Variants in DLG2 observed in about 807,000 individuals in gnomAD.
DLG2 encodes discs large MAGUK scaffold protein 2.
In DLG2, 45 loss-of-function variants were observed where a neutral mutation model predicts 132.5. That is an observed-to-expected ratio of 0.34 (90% CI 0.27 to 0.44). The LOEUF (loss-of-function observed/expected upper bound fraction) is 0.44. DLG2 is among the 20% of genes least tolerant of loss of function. The pLI, the probability that DLG2 is intolerant of heterozygous loss-of-function variation, is 1.00. For synonymous variants in DLG2, 424 were observed against 419.6 expected (o/e 1.01, Z -0.13); for missense variants, 1,045 against 1,196.9 (o/e 0.87, Z 1.87).
intron 5 of DLG2, among the ~76,000 whole-genome samples, chr11:85,122,976 T>TATATATATATATA (rs60973860): frequency 3.4e-5 from 2 of 58,440 alleles, no homozygotes; most frequent in African/African-American, 1.5e-4. Context: ...TATATTTTTT[T>TATATATATATATA]TTTTTTTTTT....
chr11:84,597,782 G>A (rs1326798155), intron 6 of DLG2, among the ~76,000 whole-genome samples: 1 of 152,118 alleles, frequency 6.6e-6, no homozygotes, highest in Non-Finnish European at 1.5e-5. Context: ...GGACAAGAAG[G>A]CATCATTTGC....
intron 6 of DLG2, chr11:85,021,650 C>A: frequency 8.4e-7 from 1 of 1,190,432 alleles, no homozygotes; most frequent in Non-Finnish European, 1.3e-6. Context: ...ACGTTGCTAG[C>A]CATTGTGTTT....
intron 6 of DLG2, among the ~76,000 whole-genome samples, chr11:84,735,864 T>C (rs2063763313): frequency 6.6e-6 from 1 of 152,070 alleles, no homozygotes; most frequent in Non-Finnish European, 1.5e-5. Flanking sequence ...TGGTTTGTCT[T>C]TTCATTCTTA....
intron 18 of DLG2, among the ~76,000 whole-genome samples, chr11:83,776,788 G>C (rs1411430761): frequency 2.0e-5 from 3 of 151,940 alleles, no homozygotes; most frequent in African/African-American, 4.8e-5. Flanking sequence ...GCTATGCTTT[G>C]ACAATACCTA....
Position 83,833,718 on chromosome 11 carries a change from T to G in DLG2, c.1618A>C (p.Ile540Leu). 1 of 1,613,956 alleles carries G rather than the reference T, an allele frequency of 6.2e-7. No homozygotes were observed. Among genetic ancestry groups the G allele is most frequent in the Non-Finnish European group, 8.5e-7 (1 of 1,179,946 alleles). The stretch of plus-strand genomic sequence containing the variant: ...CCTTCTCCATCTTCCCCACCGACAA[T>G]GTTGAAGCCCAGGCCAGTGGAGCCT... ...HKGSTGLGFN[I>L]VGGEDGEGIF... is the part of the protein sequence containing the mutation. Residue 540 changes from isoleucine to leucine, a missense_variant, in exon 17 of 28, where the codon ATT (isoleucine) becomes CTT (leucine). Transcript: ENST00000376104.
chr11:85,236,714 T>C (rs1488337212), intron 4 of DLG2, among the ~76,000 whole-genome samples: 4 of 152,020 alleles, frequency 2.6e-5, no homozygotes, highest in South Asian at 2.1e-4. Context: ...GATTCTTGCA[T>C]AGTTACTTGC....
At chr11:85,314,409 T>C (rs992751794) in intron 3 of DLG2, among the ~76,000 whole-genome samples, 5 of 151,800 alleles carry the variant, frequency 3.3e-5, no homozygotes, top group African/African-American at 1.2e-4. Context: ...ATAGAGAGGA[T>C]CATATAAATA....
chr11:85,283,798 T>C (rs1489880129), intron 4 of DLG2, among the ~76,000 whole-genome samples: 2 of 151,824 alleles, frequency 1.3e-5, no homozygotes, highest in African/African-American at 4.8e-5. Flanking sequence ...CCAAAACAGC[T>C]TGACAATTTG....
At chr11:84,842,832 A>C (rs1388936820) in intron 6 of DLG2, among the ~76,000 whole-genome samples, 1 of 151,810 alleles carries the variant, frequency 6.6e-6, no homozygotes, top group Admixed American at 6.6e-5. Context: ...GCACACATAT[A>C]TGTGTGTATA....
intron 3 of DLG2, among the ~76,000 whole-genome samples, chr11:85,572,003 C>G (rs2077870283): frequency 6.6e-6 from 1 of 152,008 alleles, no homozygotes; most frequent in Non-Finnish European, 1.5e-5. Context: ...AAGATAGAAC[C>G]AGATTAAGTT....
intron 6 of DLG2, among the ~76,000 whole-genome samples, chr11:84,926,677 C>A (rs2092989938): frequency 2.0e-5 from 3 of 151,524 alleles, no homozygotes; most frequent in African/African-American, 7.3e-5. Flanking sequence ...TTATTTTATA[C>A]CTCTATACTA....
intron 3 of DLG2, among the ~76,000 whole-genome samples, chr11:85,483,927 T>C: frequency 6.7e-6 from 1 of 149,390 alleles, no homozygotes; most frequent in Non-Finnish European, 1.5e-5. Context: ...ATAGCTACAA[T>C]ACTTTATTAA....
rs116435849 is a variant in DLG2, at chr11:85,041,691, A to C, written c.357+69970T>G. Among the ~76,000 whole-genome samples the C allele has an allele frequency of 4.2e-3, 633 of 152,102 alleles. 7 individuals carry two copies. The highest frequency in any genetic ancestry group is 0.015 in the African/African-American group (608 of 41,534). ...CAGTAGTGGTGATTAAGCTGGGGTA[A>C]AATCAATGGATATTCAGCTGTACAT... On this transcript the variant is annotated intron_variant, in intron 6 of 27. Transcript: ENST00000376104.
At chr11:84,701,617 A>G (rs1424217139) in intron 6 of DLG2, among the ~76,000 whole-genome samples, 1 of 151,526 alleles carries the variant, frequency 6.6e-6, no homozygotes, top group African/African-American at 2.4e-5. Context: ...GAGCTCCCCC[A>G]ACCCAGGCAC....
intron 6 of DLG2, among the ~76,000 whole-genome samples, chr11:85,082,735 CT>C (rs71036458): frequency 0.021 from 2,373 of 113,388 alleles, 22 homozygotes; most frequent in South Asian, 0.027. Context: ...TCTTTTCTTT[CT>C]TTTTTTTTTT....
rs7128780 is a variant in DLG2, at chr11:84,373,270, C to T, written c.520-121979G>A. 8.9e-5 allele frequency among the ~76,000 whole-genome samples: 4 copies of T among 45,168 alleles called. 1 individual carries two copies. The highest frequency in any genetic ancestry group is 1.3e-4 in the Non-Finnish European group (3 of 22,958). The allele number at this position is 45,168 out of a possible 152,430, so 29.6% of individuals were successfully genotyped here. A position where few individuals can be genotyped will look rare whatever the true frequency, so the allele number is the denominator to read the frequency against. The stretch of plus-strand genomic sequence containing the variant: ...CAGTCAAAAAAAAAAAAAAACAAAA[C>T]AAAAAAAAAACCCACCAGGCCCGGC... On this transcript the variant is annotated intron_variant, in intron 7 of 27. Transcript: ENST00000376104.
chr11:84,261,827 A>G (rs531652543), intron 7 of DLG2, among the ~76,000 whole-genome samples: 1 of 152,256 alleles, frequency 6.6e-6, no homozygotes, highest in African/African-American at 2.4e-5. Flanking sequence ...AGGAGTTACA[A>G]TTCATGAGAA....
At chr11:85,179,221 T>C (rs2079531030) in intron 4 of DLG2, among the ~76,000 whole-genome samples, 1 of 151,884 alleles carries the variant, frequency 6.6e-6, no homozygotes, top group Non-Finnish European at 1.5e-5. Flanking sequence ...TATAAGCTTA[T>C]AGCCAGCTAA....
chr11:84,856,895 AAT>A (rs2082859621), intron 6 of DLG2, among the ~76,000 whole-genome samples: 1 of 152,072 alleles, frequency 6.6e-6, no homozygotes, highest in East Asian at 1.9e-4. Flanking sequence ...CTGAAAAAGT[AAT>A]ATAAACAAGT....
Sources: allele counts gnomAD v4.1 joint callset (sites outside exome capture counted in the v4.1 genomes callset), GRCh38; gene constraint gnomAD v4.1.1; transcripts MANE v1.5; gene names NCBI Gene and HGNC (gene_info 2026-07-23, HGNC 2026-07-21).